The following DAB1 variants were observed in gnomAD, a reference collection of about 807,000 sequenced individuals.
DAB1 encodes DAB adaptor protein 1.
In DAB1, 15 loss-of-function variants were observed where a neutral mutation model predicts 64.6. That is an observed-to-expected ratio of 0.23 (90% CI 0.16 to 0.36). DAB1 has a LOEUF of 0.36. DAB1 is among the 10% of genes least tolerant of loss of function. The probability of loss-of-function intolerance (pLI) is 1.00; values close to 1 mark genes in which losing one functional copy is unlikely to be tolerated. For synonymous variants in DAB1, 235 were observed against 251.9 expected (o/e 0.93, Z 0.64); for missense variants, 596 against 706.7 (o/e 0.84, Z 1.78).
At chr1:58,124,557 G>C (rs1203413840) in intron 5 of DAB1, among the ~76,000 whole-genome samples, 1 of 152,086 alleles carries the variant, frequency 6.6e-6, no homozygotes, top group Non-Finnish European at 1.5e-5. Flanking sequence ...GCATATTTGT[G>C]ATGAATTATA....
chr1:57,526,544 G>A (rs1644595668), intron 7 of DAB1, among the ~76,000 whole-genome samples: 1 of 152,160 alleles, frequency 6.6e-6, no homozygotes, highest in Admixed American at 6.5e-5. Context: ...GATTCTGCCA[G>A]AATAAACTAG....
intron 6 of DAB1, among the ~76,000 whole-genome samples, chr1:57,668,457 A>C (rs1646473747): frequency 6.6e-6 from 1 of 152,112 alleles, no homozygotes; most frequent in South Asian, 2.1e-4. Context: ...CCTATATAAG[A>C]GGGCAATCCT....
chr1:57,218,353 A>T (rs964007362), intron 2 of DAB1, among the ~76,000 whole-genome samples: 1 of 152,058 alleles, frequency 6.6e-6, no homozygotes, highest in Non-Finnish European at 1.5e-5. Flanking sequence ...TTTGTTTAAC[A>T]TCCTGGGCAG....
chr1:57,490,096 C>T (rs1468608355), intron 7 of DAB1, among the ~76,000 whole-genome samples: 1 of 152,136 alleles, frequency 6.6e-6, no homozygotes, highest in African/African-American at 2.4e-5. Context: ...TGGCCCTCAC[C>T]AGATGCTAAA....
intron 6 of DAB1, among the ~76,000 whole-genome samples, chr1:57,767,777 C>T (rs1047313558): frequency 2.6e-5 from 4 of 152,142 alleles, no homozygotes; most frequent in African/African-American, 7.2e-5. Flanking sequence ...CTGTTCTCCA[C>T]ATTTGACTGC....
chr1:58,251,057 T>A (rs1231885132), intron 4 of DAB1, among the ~76,000 whole-genome samples: 1 of 152,228 alleles, frequency 6.6e-6, no homozygotes, highest in African/African-American at 2.4e-5. Flanking sequence ...ACCAAATGAT[T>A]GAGCTTCCAT....
At chr1:58,370,727 C>G (rs1644258322) in intron 3 of DAB1, among the ~76,000 whole-genome samples, 1 of 152,046 alleles carries the variant, frequency 6.6e-6, no homozygotes, top group Non-Finnish European at 1.5e-5. Context: ...GGCAGTTTCC[C>G]CCATGCTGTG....
At chr1:58,428,655 T>C (rs536058854) in intron 3 of DAB1, among the ~76,000 whole-genome samples, 2 of 152,316 alleles carry the variant, frequency 1.3e-5, no homozygotes, top group Admixed American at 6.5e-5. Context: ...CTTTAAAAAA[T>C]ATATTAAAAT....
At chr1:57,684,074 A>G (rs1402888093) in intron 6 of DAB1, among the ~76,000 whole-genome samples, 2 of 152,324 alleles carry the variant, frequency 1.3e-5, no homozygotes, top group Admixed American at 6.5e-5. Flanking sequence ...AATAAAGAAA[A>G]AGGAATTAAA....
intron 4 of DAB1, among the ~76,000 whole-genome samples, chr1:58,192,990 A>C (rs1436562197): frequency 6.6e-6 from 1 of 152,206 alleles, no homozygotes; most frequent in Non-Finnish European, 1.5e-5. Flanking sequence ...TATTTTACCA[A>C]TTAAATTTCT....
chr1:58,400,334 A>C (rs1644558242), intron 3 of DAB1, among the ~76,000 whole-genome samples: 2 of 152,064 alleles, frequency 1.3e-5, no homozygotes, highest in Admixed American at 6.5e-5. Flanking sequence ...GATCATCTGA[A>C]TGGCCCCGCT....
intron 5 of DAB1, chr1:58,048,603 T>G: frequency 2.9e-6 from 3 of 1,044,350 alleles, no homozygotes; most frequent in Non-Finnish European, 4.5e-6. Context: ...ACATCACAGC[T>G]GCCACCAAAG....
intron 5 of DAB1, among the ~76,000 whole-genome samples, chr1:57,964,602 T>A (rs904577640): frequency 1.3e-4 from 20 of 152,200 alleles, no homozygotes; most frequent in Non-Finnish European, 2.5e-4. Flanking sequence ...CAGCATAGAT[T>A]TGACATTACA....
chr1:57,787,649 T>C lies in DAB1; in HGVS notation n.551+96350A>G, dbSNP rs572962864. On this transcript the variant is annotated intron_variant and non_coding_transcript_variant, in intron 6 of 20. Transcript: ENST00000485760. ...GACACAAAAAGCATGAACTATAAAA[T>C]AAAAAAATTGATACACTGAATTTCA... Among the ~76,000 whole-genome samples, 9 of 152,090 alleles carry C rather than the reference T, an allele frequency of 5.9e-5. No homozygotes were observed. In the South Asian group the frequency reaches 6.2e-4, roughly 11 times the overall value.
chr1:58,389,059 G>T (rs928328837), intron 3 of DAB1, among the ~76,000 whole-genome samples: 3 of 152,192 alleles, frequency 2.0e-5, no homozygotes, highest in African/African-American at 4.8e-5. Context: ...GCAGTCCAAG[G>T]TTCTAATCTG....
chr1:58,393,202 A>G (rs1290998358), intron 3 of DAB1, among the ~76,000 whole-genome samples: 1 of 144,648 alleles, frequency 6.9e-6, no homozygotes, highest in Non-Finnish European at 1.5e-5. Flanking sequence ...GGCTTAAGTG[A>G]TCCACTCACC....
At chr1:57,052,232 A>G (rs1448938256) in intron 9 of DAB1, among the ~76,000 whole-genome samples, 1 of 152,176 alleles carries the variant, frequency 6.6e-6, no homozygotes, top group Non-Finnish European at 1.5e-5. Context: ...CTACAGCAAA[A>G]TCAACCTTAT....
At chr1:57,258,672 G>T (rs988400841) in intron 2 of DAB1, among the ~76,000 whole-genome samples, 1 of 152,016 alleles carries the variant, frequency 6.6e-6, no homozygotes, top group Non-Finnish European at 1.5e-5. Context: ...GCCCAATTAC[G>T]CAAATGATCC....
chr1:57,863,595 G>T (rs1654165017), intron 1 of DAB1, among the ~76,000 whole-genome samples: 1 of 152,110 alleles, frequency 6.6e-6, no homozygotes, highest in African/African-American at 2.4e-5. Context: ...GGTAATGAAT[G>T]CCACAAGGAA....
Sources: gnomAD v4.1 joint callset for allele counts (sites outside exome capture counted in the v4.1 genomes callset) on GRCh38, gnomAD v4.1.1 for gene constraint, MANE v1.5 for transcripts, NCBI Gene and HGNC (gene_info 2026-07-23, HGNC 2026-07-21) for gene names.